CALB2: variants seen among roughly 807,000 people sequenced by gnomAD.
The protein encoded by CALB2 is calbindin 2, also known as calretinin.
Under a neutral mutation model 45.9 loss-of-function variants are expected in CALB2, and 34 were observed. The observed-to-expected ratio is 0.74, with a 90% confidence interval of 0.56 to 0.99. CALB2 has a LOEUF of 0.99. CALB2 is among the 50% of genes least tolerant of loss of function. CALB2 has a pLI of 0.00. For synonymous variants in CALB2, 142 were observed against 129.6 expected, an observed-to-expected ratio of 1.10 and a Z score of -0.65; for missense variants, 344 against 339.3, an observed-to-expected ratio of 1.01 and a Z score of -0.11.
intron 5 of CALB2, 32 bp from the exon 6 acceptor site, chr16:71,383,335 C>G (rs758983810): frequency 1.3e-6 from 2 of 1,599,096 alleles, no homozygotes; most frequent in Admixed American, 1.7e-5. Flanking sequence ...ATGCACGAGT[C>G]AGGAGTACTA....
chr16:71,384,071 C>A, intron 7 of CALB2, 46 bp downstream of exon 7: 1 of 1,569,224 alleles, frequency 6.4e-7, no homozygotes, highest in South Asian at 1.1e-5. Context: ...TCCCACAGGT[C>A]ATTCCTGTGT....
intron 3 of CALB2, 112 bp downstream of exon 3, chr16:71,374,946 C>T (rs974539114): frequency 5.9e-6 from 4 of 676,814 alleles, no homozygotes; most frequent in South Asian, 5.2e-5. Context: ...GGCCTCAAAG[C>T]TCCTGCACCC....
chr16:71,371,687 A>G (rs375058597), intron 1 of CALB2, among the ~76,000 whole-genome samples: 2 of 152,286 alleles, frequency 1.3e-5, no homozygotes, highest in African/African-American at 4.8e-5. Flanking sequence ...CCAATCCAGT[A>G]TGACTCATCT....
rs1468276155 is a variant in CALB2, at chr16:71,360,910, G to GT, written c.94+2027dup. Among the ~76,000 whole-genome samples the GT allele has an allele frequency of 2.6e-5, 4 of 152,264 alleles. No homozygotes were observed. In the East Asian group the frequency reaches 7.7e-4, roughly 29 times the overall value. On this transcript the variant is annotated intron_variant, in intron 1 of 10. Coordinates refer to ENST00000302628, the MANE Select transcript of CALB2 (RefSeq NM_001740.5). ...ACTCTGGTTCCTGAACACCTGCTTG[G>GT]TTTGGAAGAGGGTTTTTTTCCATGA...
At chr16:71,381,058 A>G (rs2042485748) in intron 4 of CALB2, among the ~76,000 whole-genome samples, 1 of 152,212 alleles carries the variant, frequency 6.6e-6, no homozygotes, top group Non-Finnish European at 1.5e-5. Context: ...GGCTTGGGAA[A>G]GCAGCCGCTG....
At chr16:71,385,984 A>T (rs915784703) in intron 10 of CALB2, among the ~76,000 whole-genome samples, 2 of 152,110 alleles carry the variant, frequency 1.3e-5, no homozygotes, top group Non-Finnish European at 2.9e-5. Flanking sequence ...CAAAACCTGT[A>T]CCCATTAAAA....
At chr16:71,381,409 CAAAAAAA>C (rs72039915) in intron 4 of CALB2, among the ~76,000 whole-genome samples, 6 of 134,580 alleles carry the variant, frequency 4.5e-5, no homozygotes, top group African/African-American at 1.6e-4. Flanking sequence ...TGTCTTGTGA[CAAAAAAA>C]AAAAAAAAAT....
intron 3 of CALB2, among the ~76,000 whole-genome samples, chr16:71,377,315 C>G (rs1197578909): frequency 6.6e-6 from 1 of 152,138 alleles, no homozygotes; most frequent in African/African-American, 2.4e-5. Flanking sequence ...GCCCTCTTAC[C>G]CCAGGCAACC....
chr16:71,388,347 A>G (rs1045308079), intron 10 of CALB2, among the ~76,000 whole-genome samples: 12 of 91,092 alleles, frequency 1.3e-4, no homozygotes, highest in East Asian at 6.6e-4. Flanking sequence ...AAAAAAAAAA[A>G]AAAAGAAAAA....
rs573954879 is a variant in CALB2, at chr16:71,382,757, C to T, written c.381C>T (p.Ile127=). Reference sequence around the variant, plus strand: ...ACGACACAGACAGGAGTGGCTACATCGAAGCCAATGAGCTCAAGGTAGGAT... The same window carrying T: ...ACGACACAGACAGGAGTGGCTACATTGAAGCCAATGAGCTCAAGGTAGGAT... ...RKYDTDRSGY[I]EANELKGFLS... is the part of the protein sequence containing the mutation. The change falls in exon 5 of 11, where the codon ATC becomes ATT. Residue 127 remains isoleucine (I), a synonymous_variant. Transcript: ENST00000302628. 8.1e-6 allele frequency: 13 copies of T among 1,611,770 alleles called. No homozygotes were observed. The highest frequency in any genetic ancestry group is 2.2e-5 in the East Asian group (1 of 44,732).
At chr16:71,375,736 T>C (rs2042403417) in intron 3 of CALB2, among the ~76,000 whole-genome samples, 1 of 152,218 alleles carries the variant, frequency 6.6e-6, no homozygotes, top group African/African-American at 2.4e-5. Flanking sequence ...TGTGCAAGGA[T>C]GCGGTCTCAA....
intron 1 of CALB2, among the ~76,000 whole-genome samples, chr16:71,369,399 C>G (rs557281456): frequency 1.4e-4 from 22 of 152,230 alleles, no homozygotes; most frequent in African/African-American, 4.8e-4. Context: ...CTGCCGCCCC[C>G]CAAATGGTAG....
chr16:71,385,500 T>C, intron 9 of CALB2, 77 bp from the exon 10 acceptor site: 1 of 1,298,072 alleles, frequency 7.7e-7, no homozygotes, highest in South Asian at 1.2e-5. Context: ...GCTAGACTCT[T>C]AGACATCCCT....
intron 1 of CALB2, among the ~76,000 whole-genome samples, chr16:71,360,592 G>A (rs1189856369): frequency 6.6e-6 from 1 of 152,182 alleles, no homozygotes; most frequent in African/African-American, 2.4e-5. Flanking sequence ...AGCAGCCAAG[G>A]TTACACCACT....
At position 71,358,788 on chromosome 16, in the gene CALB2, T is replaced by A; in HGVS notation, c.-5T>A. On this transcript the variant is annotated 5_prime_UTR_variant, in exon 1 of 11. Transcript: ENST00000302628. ...GTGCAGGCTGAGGTCTCCGAGCGGCTCGCCATGGCTGGCCCGCAGCAGCAG... is the reference window on the plus strand; with the variant it reads ...GTGCAGGCTGAGGTCTCCGAGCGGCACGCCATGGCTGGCCCGCAGCAGCAG... 1 of 1,602,480 alleles carries A rather than the reference T, an allele frequency of 6.2e-7. No individual in the cohort carries two copies. Among genetic ancestry groups the A allele is most frequent in the Non-Finnish European group, 8.5e-7 (1 of 1,175,944 alleles).
At chr16:71,377,543 G>T (rs12445308) in intron 3 of CALB2, 124 bp from the exon 4 acceptor site, 547,161 of 654,552 alleles carry the variant, frequency 0.84, 230,342 homozygotes, top group Admixed American at 0.92. Flanking sequence ...AAGGAAGGAA[G>T]GAAGAAAACG....
intron 6 of CALB2, among the ~76,000 whole-genome samples, 189 bp from the exon 7 acceptor site, chr16:71,383,781 G>A (rs543559064): frequency 5.9e-5 from 9 of 152,204 alleles, no homozygotes; most frequent in Admixed American, 2.6e-4. Context: ...AGCAGTGAAC[G>A]AGTCCCTGTG....
At chr16:71,378,428 C>T (rs1383707987) in intron 4 of CALB2, among the ~76,000 whole-genome samples, 2 of 151,452 alleles carry the variant, frequency 1.3e-5, no homozygotes, top group African/African-American at 4.9e-5. Context: ...TATGGTGGTG[C>T]ACACCTGTAG....
intron 4 of CALB2, among the ~76,000 whole-genome samples, chr16:71,382,035 GAGGAGGAGT>G (rs1486891418): frequency 1.0e-4 from 13 of 126,796 alleles, no homozygotes; most frequent in Non-Finnish European, 2.2e-4. Flanking sequence ...GGAGGAGGAG[GAGGAGGAGT>G]AGGAGGAGGA....
Sources: allele counts gnomAD v4.1 joint callset (sites outside exome capture counted in the v4.1 genomes callset), GRCh38; gene constraint gnomAD v4.1.1; transcripts MANE v1.5; gene names NCBI Gene and HGNC (gene_info 2026-07-23, HGNC 2026-07-21).